Variants in TGM5 observed in about 807,000 individuals in gnomAD.
TGM5 encodes the protein transglutaminase 5.
A neutral mutation model predicts 77.2 loss-of-function variants in TGM5; 69 were observed. The observed-to-expected ratio is 0.89, with a 90% CI of 0.74 to 1.09. TGM5 has a LOEUF of 1.09. Ranked by LOEUF, TGM5 falls within the 50% of genes least tolerant of loss-of-function variation. TGM5 has a pLI of 0.00. For synonymous variants in TGM5, 346 were observed against 351.8 expected (o/e 0.98, Z 0.18); for missense variants, 842 against 896.5 (o/e 0.94, Z 0.78).
intron 6 of TGM5, among the ~76,000 whole-genome samples, chr15:43,242,980 G>A (rs1033428227): frequency 8.5e-5 from 13 of 152,162 alleles, no homozygotes; most frequent in African/African-American, 3.1e-4. Flanking sequence ...AGAGCAGGGA[G>A]CAAGCCTCCC....
chr15:43,264,628 C>A (rs779236193), intron 1 of TGM5, among the ~76,000 whole-genome samples: 3 of 152,106 alleles, frequency 2.0e-5, no homozygotes, highest in Non-Finnish European at 4.4e-5. Flanking sequence ...TGGAATGGGA[C>A]GTGACTGCCA....
chr15:43,247,377 A>C (rs866632408), intron 6 of TGM5, among the ~76,000 whole-genome samples: 1 of 152,290 alleles, frequency 6.6e-6, no homozygotes, highest in South Asian at 2.1e-4. Flanking sequence ...CAGAAATGCC[A>C]GAGACAATGA....
intron 6 of TGM5, chr15:43,241,263 G>A (rs143818187): frequency 1.1e-4 from 56 of 504,794 alleles, no homozygotes; most frequent in African/African-American, 6.2e-4. Context: ...CTCTGCTTAC[G>A]CCAGGAGGGT....
At chr15:43,252,548 C>T (rs934489111) in intron 6 of TGM5, among the ~76,000 whole-genome samples, 1 of 152,010 alleles carries the variant, frequency 6.6e-6, no homozygotes, top group African/African-American at 2.4e-5. Flanking sequence ...GAACTCCTGA[C>T]CTTGGGATCC....
At position 43,239,232 on chromosome 15, in the gene TGM5, G is replaced by T; in HGVS notation, c.1036C>A (p.Arg346=). 1 of 1,614,134 alleles carries T rather than the reference G, an allele frequency of 6.2e-7. No homozygotes were observed. Among genetic ancestry groups the T allele is most frequent in the Non-Finnish European group, 8.5e-7 (1 of 1,180,012 alleles). The change falls in exon 8 of 13, where the codon CGG becomes AGG. Residue 346 remains arginine (R), a synonymous_variant. Transcript: ENST00000220420. ...CCATATGCAGGGGGCAGATCCTTCC[G>T]GGCCATCCAGCACTCATTCCAGACA... ...FHVWNECWMA[R]KDLPPAYGGW...
At chr15:43,266,521 T>C (rs2042825434) in intron 1 of TGM5, among the ~76,000 whole-genome samples, 1 of 151,958 alleles carries the variant, frequency 6.6e-6, no homozygotes, top group African/African-American at 2.4e-5. Context: ...ACTTGTCCAA[T>C]GTCAAAGGGT....
Position 43,253,596 on chromosome 15 carries a change from T to C in TGM5, c.594A>G (p.Leu198=), listed in dbSNP as rs780074665. The C allele has an allele frequency of 1.2e-6, 2 of 1,613,868 alleles. No individual in the cohort carries two copies. Among genetic ancestry groups the C allele is most frequent in the African/African-American group, 2.7e-5 (2 of 75,056 alleles). Reference sequence around the variant, plus strand: ...CAGTCTGGAAGTGCAGGCTCTTGTCTAGCAGCTTCAGGCAGATGTCTATGA... The same window carrying C: ...CAGTCTGGAAGTGCAGGCTCTTGTCCAGCAGCTTCAGGCAGATGTCTATGA... The part of the protein sequence containing the change: ...DKIIDICLKL[L]DKSLHFQTDP... The change falls in exon 5 of 13, where the codon CTA becomes CTG. Residue 198 remains leucine, a synonymous_variant. Coordinates refer to ENST00000220420, the MANE Select transcript of TGM5 (RefSeq NM_201631.4).
In TGM5 at chr15:43,240,504, T is replaced by A. The variant is rs2042626841; in HGVS notation, c.1001+348A>T. ...CTGATTTTGTGAGTTGATTTTTTTT[T>A]TTTAAACAAACCTTCAAAGGGCAGT... is the stretch of plus-strand genomic sequence containing the variant. On this transcript the variant is annotated intron_variant, in intron 7 of 12. Transcript: ENST00000220420. Among the ~76,000 whole-genome samples the A allele has an allele frequency of 2.0e-5, 3 of 152,144 alleles. No homozygotes were observed. The South Asian group carries it at 6.2e-4, about 32-fold the overall frequency.
intron 6 of TGM5, chr15:43,247,556 T>G (rs765519006): frequency 6.6e-6 from 1 of 151,764 alleles, no homozygotes; most frequent in Non-Finnish European, 1.5e-5. Context: ...AGAGCTATTT[T>G]AAATATTATA....
At chr15:43,250,976 A>G (rs1412765194) in intron 6 of TGM5, among the ~76,000 whole-genome samples, 2 of 152,356 alleles carry the variant, frequency 1.3e-5, no homozygotes, top group African/African-American at 4.8e-5. Flanking sequence ...CTCATCACGC[A>G]GTTCCAGACA....
rs186896359 is a variant in TGM5, at chr15:43,258,166, C to G, written c.437-1480G>C. ...ATGGGTGCAGCACACCAACATGGCA[C>G]ATGTATACATATGTAACAAACCTGC... On this transcript the variant is annotated intron_variant, in intron 3 of 12. Transcript: ENST00000220420. Among the ~76,000 whole-genome samples, 612 of 150,906 alleles carry G rather than the reference C, an allele frequency of 4.1e-3. 3 individuals carry two copies. The highest frequency in any genetic ancestry group is 0.014 in the African/African-American group (581 of 41,004).
Position 43,240,987 on chromosome 15 carries a change from A to G in TGM5, c.866T>C (p.Met289Thr), listed in dbSNP as rs534510192. Residue 289 changes from methionine to threonine, a missense_variant, in exon 7 of 13, where the codon ATG (methionine) becomes ACG (threonine). By Grantham distance (81) the Met-to-Thr change is moderately conservative. Around this residue, in one of 2 missense-constraint regions of TGM5, gnomAD observed 815 missense variants for 844.6 expected, o/e 0.96. Transcript: ENST00000220420. ...WVFAAVMCTV[M>T]RCLGIPTRVI... ...ACGGGTAGGGATCCCCAGACACCTC[A>G]TCACTGCAAAAAGGGCACAAAAAAA... 6.2e-7 allele frequency: 1 copy of G among 1,614,142 alleles called. No homozygotes were observed. The highest frequency in any genetic ancestry group is 1.7e-5 in the Admixed American group (1 of 60,020).
At chr15:43,241,169 A>G in intron 6 of TGM5, 179 bp from the exon 7 acceptor site, 2 of 803,224 alleles carry the variant, frequency 2.5e-6, no homozygotes, top group South Asian at 3.2e-5. Flanking sequence ...TCTGGAGCTC[A>G]TGGGAGAGAT....
Position 43,253,640 on chromosome 15 carries a change from G to A in TGM5, c.556-6C>T, listed in dbSNP as rs1010199574. The A allele has an allele frequency of 6.2e-7, 1 of 1,612,222 alleles. No individual in the cohort carries two copies. The highest frequency in any genetic ancestry group is 1.3e-5 in the African/African-American group (1 of 75,050). On this transcript the variant is annotated splice_region_variant and splice_polypyrimidine_tract_variant and intron_variant, in intron 4 of 12. Transcript: ENST00000220420. ...TCTATGATTTTGTCTTCAAACTTCG[G>A]GGGGAGAGGCAGAGAGGGAAGGCAC...
At chr15:43,253,082 G>A (rs2042717292) in intron 5 of TGM5, 146 bp from the exon 6 acceptor site, 1 of 871,758 alleles carries the variant, frequency 1.1e-6, no homozygotes, top group East Asian at 2.6e-5. Context: ...ACCTGCTGGG[G>A]AGGGCTAAGG....
At position 43,253,548 on chromosome 15, in the gene TGM5, C is replaced by A. The variant is rs1415930856; in HGVS notation, c.642G>T (p.Leu214=). The stretch of plus-strand genomic sequence containing the variant: ...TGCTGACGTAGACGGGGCTTCCCCG[C>A]AGAGCACAGTCTGTGGCTGGGTCAG... ...FQTDPATDCA[L]RGSPVYVSRV... The change falls in exon 5 of 13, where the codon CTG becomes CTT. Residue 214 remains leucine, a synonymous_variant. Coordinates refer to ENST00000220420, the MANE Select transcript of TGM5 (RefSeq NM_201631.4). The A allele has an allele frequency of 1.9e-6, 3 of 1,613,618 alleles. No individual in the cohort carries two copies. Among genetic ancestry groups the A allele is most frequent in the Non-Finnish European group, 2.5e-6 (3 of 1,180,064 alleles).
intron 11 of TGM5, 134 bp downstream of exon 11, chr15:43,234,635 C>G: frequency 8.8e-7 from 1 of 1,137,096 alleles, no homozygotes; most frequent in Non-Finnish European, 1.3e-6. Context: ...CTTCTCCCTC[C>G]TGGAGCACCA....
At chr15:43,242,607 T>G (rs1356178208) in intron 6 of TGM5, among the ~76,000 whole-genome samples, 1 of 152,236 alleles carries the variant, frequency 6.6e-6, no homozygotes, top group East Asian at 1.9e-4. Flanking sequence ...CTCACCCTCT[T>G]CTTATTCTGC....
chr15:43,256,544 G>A (rs1280313832), intron 4 of TGM5, 24 bp downstream of exon 4: 2 of 1,577,408 alleles, frequency 1.3e-6, no homozygotes, highest in Non-Finnish European at 1.7e-6. Flanking sequence ...GCCGGGATGG[G>A]CCATAAGCAG....
Sources: allele counts gnomAD v4.1 joint callset (sites outside exome capture counted in the v4.1 genomes callset), GRCh38; gene constraint gnomAD v4.1.1; regional missense constraint gnomAD v4.1.1; transcripts MANE v1.5; gene names NCBI Gene and HGNC (gene_info 2026-07-23, HGNC 2026-07-21).